JAKMIP3: variants seen among roughly 807,000 people sequenced by gnomAD.
JAKMIP3 encodes Janus kinase and microtubule interacting protein 3, also known as janus kinase and microtubule-interacting protein 3.
A neutral mutation model predicts 118.5 loss-of-function variants in JAKMIP3; 58 were observed. The ratio of observed to expected loss-of-function variants is 0.49; its 90% CI spans 0.40 to 0.61. The LOEUF is 0.61. Among genes scored for constraint, JAKMIP3 ranks in the 20% least tolerant of loss-of-function variants. JAKMIP3 has a pLI of 0.00. For synonymous variants in JAKMIP3, 486 were observed against 451.2 expected, an observed-to-expected ratio of 1.08 and a Z score of -0.98; for missense variants, 950 against 1,109.0, an observed-to-expected ratio of 0.86 and a Z score of 2.04.
At chr10:132,159,850 G>GT (rs2057807505) in intron 19 of JAKMIP3, among the ~76,000 whole-genome samples, 2 of 68,084 alleles carry the variant, frequency 2.9e-5, no homozygotes, top group African/African-American at 1.5e-4. Flanking sequence ...ATGCTGGGGG[G>GT]CCTCTCCCTG....
At chr10:132,050,700 C>T (rs934327049) in intron 1 of JAKMIP3, among the ~76,000 whole-genome samples, 4 of 152,166 alleles carry the variant, frequency 2.6e-5, no homozygotes, top group African/African-American at 9.7e-5. Flanking sequence ...ATACAAGGCA[C>T]ATTTTTTCAT....
intron 19 of JAKMIP3, among the ~76,000 whole-genome samples, chr10:132,161,045 T>TGCTGGGGGCGTGTCTTCCTGTGTGAC (rs2058170287): frequency 4.1e-5 from 1 of 24,120 alleles, no homozygotes; most frequent in East Asian, 7.3e-4. Flanking sequence ...TCCTGTGTGA[T>TGCTGGGGGCGTGTCTTCCTGTGTGAC]GCTGGGGGCG....
chr10:132,069,910 G>A (rs142032317), intron 1 of JAKMIP3, among the ~76,000 whole-genome samples: 1 of 152,314 alleles, frequency 6.6e-6, no homozygotes, highest in Non-Finnish European at 1.5e-5. Context: ...AGGGCACAAT[G>A]GGAGCACAGA....
At chr10:132,153,561 C>T (rs1282448947) in intron 17 of JAKMIP3, among the ~76,000 whole-genome samples, 198 bp from the exon 18 acceptor site, 3 of 151,998 alleles carry the variant, frequency 2.0e-5, no homozygotes, top group Non-Finnish European at 4.4e-5. Context: ...GGTAGACTTC[C>T]TGGACACCTG....
intron 2 of JAKMIP3, among the ~76,000 whole-genome samples, chr10:132,105,920 A>G (rs1220825236): frequency 2.0e-5 from 3 of 152,034 alleles, no homozygotes; most frequent in Non-Finnish European, 2.9e-5. Context: ...GAGTCGGGTT[A>G]TTTGGGGGTG....
intron 3 of JAKMIP3, among the ~76,000 whole-genome samples, chr10:132,121,838 C>CCTGT (rs2048584734): frequency 1.3e-5 from 2 of 152,142 alleles, no homozygotes; most frequent in Admixed American, 1.3e-4. Flanking sequence ...TGGGGTGGAA[C>CCTGT]CTGTCCCACC....
At position 132,137,127 on chromosome 10, in the gene JAKMIP3, A is replaced by C; in HGVS notation, c.1225A>C (p.Asn409His). ...GAAGCTTCAGATTGTGGAGCAGCAA[A>C]ACCTCATAGATGAACTGTCTAAGGT... ...FLKLQIVEQQ[N>H]LIDELSKTLE... is the part of the protein sequence containing the mutation. The change falls in exon 7 of 24, where the codon AAC (asparagine) becomes CAC (histidine). Residue 409 changes from asparagine (N) to histidine (H), a missense_variant. Asn to His is a moderately conservative substitution (Grantham distance 68, BLOSUM62 1). Transcript: ENST00000684848. 5.0e-6 allele frequency: 8 copies of C among 1,613,912 alleles called. No homozygotes were observed. The highest frequency in any genetic ancestry group is 6.8e-6 in the Non-Finnish European group (8 of 1,179,862).
At chr10:132,079,253 A>G (rs1037246368) in intron 1 of JAKMIP3, among the ~76,000 whole-genome samples, 2 of 146,856 alleles carry the variant, frequency 1.4e-5, no homozygotes, top group East Asian at 2.0e-4. Flanking sequence ...ACAAATTCAC[A>G]TAGAGTTCCC....
rs2056461184 is a variant in JAKMIP3 at position 132,152,882 on chromosome 10, C to T, written c.2008-76C>T. 3 of 1,206,436 alleles carry T rather than the reference C, an allele frequency of 2.5e-6. No homozygotes were observed. The East Asian group carries it at 7.7e-5, about 31-fold the overall frequency. The allele number at this position is 1,206,436 out of a possible 1,614,324, so 74.7% of individuals were successfully genotyped here. A position where few individuals can be genotyped will look rare whatever the true frequency, so the allele number is the denominator to read the frequency against. ...CCAGTCAGCCTCCCCAGTCAGCTTCCCCATGCATCCATCACTCACCCTCAC... is the reference window on the plus strand; with the variant it reads ...CCAGTCAGCCTCCCCAGTCAGCTTCTCCATGCATCCATCACTCACCCTCAC... On this transcript the variant is annotated intron_variant, in intron 16 of 23. Coordinates refer to ENST00000684848, the MANE Select transcript of JAKMIP3 (RefSeq NM_001323087.2).
chr10:132,135,848 G>A, intron 5 of JAKMIP3, 82 bp from the exon 6 acceptor site: 5 of 1,443,546 alleles, frequency 3.5e-6, no homozygotes, highest in South Asian at 1.4e-5. Context: ...AGCCCAAGCT[G>A]TGGTCAGTCA....
intron 3 of JAKMIP3, among the ~76,000 whole-genome samples, chr10:132,131,893 C>T (rs1378045949): frequency 2.0e-5 from 3 of 152,168 alleles, no homozygotes; most frequent in Admixed American, 6.5e-5. Flanking sequence ...GCGGCGCCTG[C>T]ACAGGCATGG....
At chr10:132,137,343 C>A in intron 8 of JAKMIP3, 54 bp downstream of exon 8, 1 of 1,604,982 alleles carries the variant, frequency 6.2e-7, no homozygotes, top group South Asian at 1.1e-5. Flanking sequence ...CGCAGTTGCC[C>A]GTGGGACCCA....
At chr10:132,181,775 C>T (rs1051181222) in intron 23 of JAKMIP3, among the ~76,000 whole-genome samples, 1 of 152,096 alleles carries the variant, frequency 6.6e-6, no homozygotes, top group Non-Finnish European at 1.5e-5. Context: ...CGTGGTGTCT[C>T]TACGGCCGGG....
At position 132,183,820 on chromosome 10, in the gene JAKMIP3, T is replaced by C. The variant is rs564718055; in HGVS notation, c.*2567T>C. On this transcript the variant is annotated 3_prime_UTR_variant, in exon 24 of 24. Coordinates refer to ENST00000684848, the MANE Select transcript of JAKMIP3 (RefSeq NM_001323087.2). The stretch of plus-strand genomic sequence containing the variant: ...GCCCCCAAAAAGGTAAATATGAGCA[T>C]TTATCACTGACTCCTCCTGGTCCAG... 5 of 152,200 alleles carry C rather than the reference T, an allele frequency of 3.3e-5. No individual in the cohort carries two copies. The highest frequency in any genetic ancestry group is 3.9e-4 in the East Asian group (2 of 5,188). The allele number at this position is 152,200 out of a possible 1,614,324, so 9.4% of individuals were successfully genotyped here.
chr10:132,082,513 A>G (rs2041903808), intron 1 of JAKMIP3, among the ~76,000 whole-genome samples: 1 of 152,200 alleles, frequency 6.6e-6, no homozygotes, highest in Admixed American at 6.5e-5. Flanking sequence ...TTCATTTGGA[A>G]TAATAATCTA....
At chr10:132,074,127 T>C (rs1217478932) in intron 1 of JAKMIP3, among the ~76,000 whole-genome samples, 1 of 152,150 alleles carries the variant, frequency 6.6e-6, no homozygotes, top group East Asian at 1.9e-4. Context: ...TCTCGGCTCA[T>C]TGCAACCTCT....
chr10:132,101,118 G>T (rs1187607090), intron 1 of JAKMIP3, among the ~76,000 whole-genome samples: 1 of 152,204 alleles, frequency 6.6e-6, no homozygotes, highest in Admixed American at 6.5e-5. Context: ...GAATCTGTTC[G>T]GAGGAGCTGG....
At chr10:132,098,411 A>G (rs1484175095) in intron 1 of JAKMIP3, among the ~76,000 whole-genome samples, 1 of 152,220 alleles carries the variant, frequency 6.6e-6, no homozygotes, top group Non-Finnish European at 1.5e-5. Flanking sequence ...CTTAACATTT[A>G]TCGATCAAAA....
Position 132,149,985 on chromosome 10 carries a change from A to G in JAKMIP3, c.1951A>G (p.Ile651Val), listed in dbSNP as rs909558937. The change falls in exon 16 of 24, where the codon ATT becomes GTT. Residue 651 changes from isoleucine to valine, a missense_variant. Physicochemically the swap from Ile to Val is conservative, Grantham distance 29. Transcript: ENST00000684848. Reference sequence around the variant, plus strand: ...CTACCTGTCCTCTGTGCCTTAGGACATTGTGGTTGCGGAGCTGATGAAGAA... The same window carrying G: ...CTACCTGTCCTCTGTGCCTTAGGACGTTGTGGTTGCGGAGCTGATGAAGAA... The part of the protein sequence containing the change: ...VYCEAEGVTD[I>V]VVAELMKKLD... 4.5e-6 allele frequency: 7 copies of G among 1,551,158 alleles called. No individual in the cohort carries two copies. Among genetic ancestry groups the G allele is most frequent in the Admixed American group, 3.8e-5 (2 of 52,952 alleles).
Sources: allele counts gnomAD v4.1 joint callset (sites outside exome capture counted in the v4.1 genomes callset), GRCh38; gene constraint gnomAD v4.1.1; transcripts MANE v1.5; gene names NCBI Gene and HGNC (gene_info 2026-07-23, HGNC 2026-07-21).